PEX13: variants seen among roughly 807,000 people sequenced by gnomAD.
PEX13 encodes peroxisome biogenesis factor 13.
Under a neutral mutation model 34.5 loss-of-function variants are expected in PEX13, and 28 were observed. The observed-to-expected ratio is 0.81, with a 90% confidence interval of 0.60 to 1.11. PEX13 has a LOEUF of 1.11. Ranked by LOEUF, PEX13 falls within the 50% of genes most tolerant of loss-of-function variation. The pLI, the probability that PEX13 is intolerant of heterozygous loss-of-function variation, is 0.00. For missense variants in PEX13, 550 were observed against 491.0 expected, an observed-to-expected ratio of 1.12 and a Z score of -1.13; for synonymous variants, 177 against 175.1, an observed-to-expected ratio of 1.01 and a Z score of -0.09.
At chr2:61,040,404 C>T (rs1385762597) in intron 2 of PEX13, among the ~76,000 whole-genome samples, 2 of 152,084 alleles carry the variant, frequency 1.3e-5, no homozygotes, top group African/African-American at 4.8e-5. Context: ...TACTATGCAG[C>T]CATAAAAAAA....
rs1178588746 is a variant in PEX13, at chr2:61,017,805, C to T, written c.46C>T (p.Arg16Ter). The T allele has an allele frequency of 3.0e-5, 46 of 1,550,436 alleles. No homozygotes were observed. The highest frequency in any genetic ancestry group is 3.8e-5 in the Non-Finnish European group (44 of 1,146,892). Reference protein sequence around the residue: ...PPPPKPWETRRIPGAGPGPGP... With the variant: ...PPPPKPWETR Reference sequence around the variant, plus strand: ...TCCCCCCAAACCCTGGGAGACCCGCCGAATTCCGGGAGCCGGACCGGGACC... The same window carrying T: ...TCCCCCCAAACCCTGGGAGACCCGCTGAATTCCGGGAGCCGGACCGGGACC... The change falls in exon 1 of 4, where the codon CGA (arginine) becomes TGA (stop). Residue 16 changes from arginine (R) to a stop codon, truncating the protein, a stop_gained. Coordinates refer to ENST00000295030, the MANE Select transcript of PEX13 (RefSeq NM_002618.4). LOFTEE classifies it high-confidence loss of function.
intron 1 of PEX13, chr2:61,019,010 G>A (rs12465865): frequency 0.47 from 70,866 of 152,110 alleles, 18,505 homozygotes; most frequent in African/African-American, 0.68. Flanking sequence ...ACTTTAAACA[G>A]TGTTAACATT....
At chr2:61,025,574 G>T (rs998491709) in intron 1 of PEX13, among the ~76,000 whole-genome samples, 1 of 152,066 alleles carries the variant, frequency 6.6e-6, no homozygotes, top group East Asian at 1.9e-4. Context: ...GGACAGGCTG[G>T]TCTCAAACTC....
At chr2:61,034,824 C>T (rs1213705179) in intron 2 of PEX13, among the ~76,000 whole-genome samples, 1 of 152,248 alleles carries the variant, frequency 6.6e-6, no homozygotes, top group Admixed American at 6.5e-5. Flanking sequence ...GAAGCTCGAA[C>T]TGGGCGGAGC....
rs565873587 is a variant in PEX13, at chr2:61,031,921, T to A, written c.595T>A (p.Leu199Ile). 8 of 1,614,044 alleles carry A rather than the reference T, an allele frequency of 5.0e-6. No individual in the cohort carries two copies. The East Asian group carries it at 1.6e-4, about 31-fold the overall frequency. Reference sequence around the variant, plus strand: ...TCTTTACAGACGGCTACAGCGGATGTTAGGTTTAAGAAGAGGCTCTGAGAA... The same window carrying A: ...TCTTTACAGACGGCTACAGCGGATGATAGGTTTAAGAAGAGGCTCTGAGAA... ...RYLYRRLQRM[L>I]GLRRGSENED... The change falls in exon 2 of 4, where the codon TTA (leucine) becomes ATA (isoleucine). Residue 199 changes from leucine to isoleucine, a missense_variant. Physicochemically the swap from Leu to Ile is conservative, Grantham distance 5. Coordinates refer to ENST00000295030, the MANE Select transcript of PEX13 (RefSeq NM_002618.4).
intron 2 of PEX13, among the ~76,000 whole-genome samples, chr2:61,040,742 A>AATATAT (rs1015093829): frequency 6.7e-6 from 1 of 148,406 alleles, no homozygotes. Context: ...ATTAAATGTA[A>AATATAT]ATATATATAT....
chr2:61,031,985 G>C lies in PEX13; in HGVS notation c.659G>C (p.Cys220Ser). The C allele has an allele frequency of 6.2e-7, 1 of 1,613,928 alleles. No homozygotes were observed. Among genetic ancestry groups the C allele is most frequent in the Non-Finnish European group, 8.5e-7 (1 of 1,179,818 alleles). ...GCAGAGAGTGAAGGAACTGTGGCAT[G>C]CCTTGGTGCTGAGGACCGAGCAGCT... ...LWAESEGTVACLGAEDRAATS... is the reference protein window; with the variant it reads ...LWAESEGTVASLGAEDRAATS... Residue 220 changes from cysteine (C) to serine (S), a missense_variant, in exon 2 of 4, where the codon TGC becomes TCC. Physicochemically the swap from Cys to Ser is moderately radical, Grantham distance 112. Coordinates refer to ENST00000295030, the MANE Select transcript of PEX13 (RefSeq NM_002618.4).
Position 61,048,472 on chromosome 2 carries a change from A to C in PEX13, c.914A>C (p.Glu305Ala). Residue 305 changes from glutamate to alanine, a missense_variant and splice_region_variant, in exon 4 of 4, where the codon GAA (glutamate) becomes GCA (alanine). Physicochemically the swap from Glu to Ala is moderately radical, Grantham distance 107 (BLOSUM62 -1). Coordinates refer to ENST00000295030, the MANE Select transcript of PEX13 (RefSeq NM_002618.4). ...CAAGACTGTCTTTTTTTTCCATCAG[A>C]ACAACAACCCAAAGTGCGTGGTTGG... ...AGDMLNLALK[E>A]QQPKVRGWLL... 1 of 1,613,346 alleles carries C rather than the reference A, an allele frequency of 6.2e-7. No individual in the cohort carries two copies. The highest frequency in any genetic ancestry group is 8.5e-7 in the Non-Finnish European group (1 of 1,179,574).
At chr2:61,028,475 C>T (rs966018351) in intron 1 of PEX13, among the ~76,000 whole-genome samples, 3 of 151,518 alleles carry the variant, frequency 2.0e-5, no homozygotes, top group Non-Finnish European at 2.9e-5. Context: ...CTGCAACAGC[C>T]GCCTCTGGGG....
intron 3 of PEX13, among the ~76,000 whole-genome samples, chr2:61,047,128 C>T (rs1349442448): frequency 6.6e-6 from 1 of 151,736 alleles, no homozygotes; most frequent in Admixed American, 6.6e-5. Flanking sequence ...AACCTCTAGA[C>T]TTTTAGGTAT....
At chr2:61,032,878 C>T (rs920178162) in intron 2 of PEX13, among the ~76,000 whole-genome samples, 2 of 152,096 alleles carry the variant, frequency 1.3e-5, no homozygotes, top group Admixed American at 6.6e-5. Flanking sequence ...AGTATATAGG[C>T]AGAAAATATG....
Position 61,031,891 on chromosome 2 carries a change from C to A in PEX13, c.565C>A (p.Arg189=). The A allele has an allele frequency of 6.2e-7, 1 of 1,613,066 alleles. No individual in the cohort carries two copies. Among genetic ancestry groups the A allele is most frequent in the Non-Finnish European group, 8.5e-7 (1 of 1,179,042 alleles). Residue 189 remains arginine, a synonymous_variant, in exon 2 of 4, where the codon CGG becomes AGG. Coordinates refer to ENST00000295030, the MANE Select transcript of PEX13 (RefSeq NM_002618.4). ...AGCTTTTGCATTGGTTAGGACTATA[C>A]GGTATCTTTACAGACGGCTACAGCG... ...FSAFALVRTI[R]YLYRRLQRML...
rs756314199 is a variant in PEX13, at chr2:61,045,784, T to G, written c.846T>G (p.Asp282Glu). The change falls in exon 3 of 4, where the codon GAT becomes GAG. Residue 282 changes from aspartate (D) to glutamate (E), a missense_variant. Asp to Glu is a conservative substitution (Grantham distance 45). Transcript: ENST00000295030. ...ATGTAGTTGCCAGAGCAGAATATGA[T>G]TTTGCTGCCGTATCTGAAGAAGAAA... is the stretch of plus-strand genomic sequence containing the variant. ...DDHVVARAEY[D>E]FAAVSEEEIS... The G allele has an allele frequency of 2.0e-5, 32 of 1,612,960 alleles. No individual in the cohort carries two copies. Among genetic ancestry groups the G allele is most frequent in the Non-Finnish European group, 2.6e-5 (31 of 1,179,088 alleles).
intron 1 of PEX13, among the ~76,000 whole-genome samples, chr2:61,023,047 C>T (rs567592371): frequency 1.4e-4 from 21 of 151,878 alleles, no homozygotes; most frequent in East Asian, 5.8e-4. Flanking sequence ...CTCTGCCACC[C>T]GGGCTGGAGT....
intron 1 of PEX13, among the ~76,000 whole-genome samples, chr2:61,031,163 C>G (rs941316791): frequency 2.6e-5 from 4 of 152,062 alleles, no homozygotes; most frequent in Non-Finnish European, 5.9e-5. Context: ...TGGTGGCATG[C>G]ACCTGTAGTC....
intron 1 of PEX13, among the ~76,000 whole-genome samples, chr2:61,026,189 G>C (rs1680351044): frequency 6.6e-6 from 1 of 151,672 alleles, no homozygotes; most frequent in South Asian, 2.1e-4. Flanking sequence ...CTAGTTCATT[G>C]GGAGGGTTAA....
chr2:61,030,952 G>A (rs1680439433), intron 1 of PEX13, among the ~76,000 whole-genome samples: 1 of 152,140 alleles, frequency 6.6e-6, no homozygotes, highest in South Asian at 2.1e-4. Flanking sequence ...CATGGTGATA[G>A]TTACACACCT....
intron 1 of PEX13, among the ~76,000 whole-genome samples, chr2:61,029,737 A>G (rs912655041): frequency 1.3e-5 from 2 of 151,878 alleles, no homozygotes; most frequent in Non-Finnish European, 1.5e-5. Context: ...ACTTGAGGCC[A>G]GGAGTTGGAG....
rs200107315 is a variant in PEX13 at position 61,029,147 on chromosome 2, A to AG, written c.93-2272_93-2271insG. Among the ~76,000 whole-genome samples the AG allele has an allele frequency of 6.7e-3, 1,012 of 151,912 alleles. 8 individuals are homozygous for AG. The highest frequency in any genetic ancestry group is 0.01 in the Admixed American group (155 of 15,236). On this transcript the variant is annotated intron_variant, in intron 1 of 3. Coordinates refer to ENST00000295030, the MANE Select transcript of PEX13 (RefSeq NM_002618.4). Reference sequence around the variant, plus strand: ...GAGGGAGACCCTGTCTCCAAAAAAAAAAAAAAAAGAGGGCGAACTTAAAAG... The same window carrying AG: ...GAGGGAGACCCTGTCTCCAAAAAAAAGAAAAAAAAGAGGGCGAACTTAAAAG...
Sources: allele counts gnomAD v4.1 joint callset (sites outside exome capture counted in the v4.1 genomes callset), GRCh38; gene constraint gnomAD v4.1.1; transcripts MANE v1.5; gene names NCBI Gene and HGNC (gene_info 2026-07-23, HGNC 2026-07-21).